The following PLSCR4 variants were observed in gnomAD, a reference collection of about 807,000 sequenced individuals.
The protein encoded by PLSCR4 is phospholipid scramblase 4, also known as Ca(2+)-dependent phospholipid scramblase 4.
In PLSCR4, 25 loss-of-function variants were observed where a neutral mutation model predicts 36.3. The ratio of observed to expected loss-of-function variants is 0.69; its 90% CI spans 0.50 to 0.96. The LOEUF (loss-of-function observed/expected upper bound fraction) is 0.96, where lower values mean the gene tolerates loss of function less well. Ranked by LOEUF, PLSCR4 falls within the 40% of genes least tolerant of loss-of-function variation. The probability of loss-of-function intolerance (pLI) is 0.00; values close to 1 mark genes in which losing one functional copy is unlikely to be tolerated. For synonymous variants in PLSCR4, 122 were observed against 132.9 expected (o/e 0.92, Z 0.56); for missense variants, 408 against 414.7 (o/e 0.98, Z 0.14).
Position 146,197,506 on chromosome 3 carries a change from T to C in PLSCR4, c.625-713A>G, listed in dbSNP as rs999382380. ...AAAATCAAATCTCAGACATGAAAAT[T>C]ATAACAGAAAACAAAAAAGAGGCAT... On this transcript the variant is annotated intron_variant, in intron 6 of 8. Transcript: ENST00000354952. Among the ~76,000 whole-genome samples the C allele has an allele frequency of 1.1e-4, 17 of 152,266 alleles. No homozygotes were observed. In the South Asian group the frequency reaches 1.5e-3, roughly 13 times the overall value.
At chr3:146,245,741 AT>A (rs1295678352) in intron 1 of PLSCR4, among the ~76,000 whole-genome samples, 1 of 10,428 alleles carries the variant, frequency 9.6e-5, no homozygotes, top group African/African-American at 1.4e-4. Context: ...ATTTTCTACA[AT>A]AAATGTATAA....
chr3:146,194,358 C>A lies in PLSCR4; in HGVS notation c.*53G>T, dbSNP rs1349537486. On this transcript the variant is annotated 3_prime_UTR_variant, in exon 9 of 9. Coordinates refer to ENST00000354952, the MANE Select transcript of PLSCR4 (RefSeq NM_020353.3). ...ACTGAGTGCTGACTGTAAGCCCAAT[C>A]CAACTTTTCCATTTTTCAAAATTAA... 8.1e-6 allele frequency: 10 copies of A among 1,230,954 alleles called. No homozygotes were observed. Among genetic ancestry groups the A allele is most frequent in the Non-Finnish European group, 1.1e-5 (9 of 832,228 alleles). The allele number at this position is 1,230,954 out of a possible 1,614,324, so 76.3% of individuals were successfully genotyped here.
intron 1 of PLSCR4, among the ~76,000 whole-genome samples, chr3:146,224,888 T>G (rs372310423): frequency 1.9e-5 from 2 of 105,720 alleles, no homozygotes; most frequent in African/African-American, 5.3e-5. Flanking sequence ...GTTCTCCACG[T>G]CCCCATCAGA....
Position 146,205,085 on chromosome 3 carries a change from T to C in PLSCR4, c.354+1441A>G, listed in dbSNP as rs2034250507. 2.0e-5 allele frequency among the ~76,000 whole-genome samples: 3 copies of C among 152,004 alleles called. 1 individual carries two copies. The South Asian group carries it at 6.2e-4, about 31-fold the overall frequency. ...GAATTGAAAAGAGAAATGACAGAACTCGAGGAAATACTTGGCTGTTGACCT... is the reference window on the plus strand; with the variant it reads ...GAATTGAAAAGAGAAATGACAGAACCCGAGGAAATACTTGGCTGTTGACCT... On this transcript the variant is annotated intron_variant, in intron 4 of 8. Transcript: ENST00000354952.
At chr3:146,229,150 G>C (rs1268486766) in intron 1 of PLSCR4, among the ~76,000 whole-genome samples, 1 of 152,172 alleles carries the variant, frequency 6.6e-6, no homozygotes, top group South Asian at 2.1e-4. Context: ...TTCCGGGAAA[G>C]CAATTTCTAA....
At position 146,220,580 on chromosome 3, in the gene PLSCR4, T is replaced by C. The variant is rs550231943; in HGVS notation, c.118+235A>G. On this transcript the variant is annotated intron_variant, in intron 3 of 8. Coordinates refer to ENST00000354952, the MANE Select transcript of PLSCR4 (RefSeq NM_020353.3). ...ACAACACTCTCTTCATATCTCCATA[T>C]AGAATGGAGAGAATGTCATCAATAT... Among the ~76,000 whole-genome samples the C allele has an allele frequency of 6.5e-4, 99 of 152,308 alleles. 1 individual carries two copies. The highest frequency in any genetic ancestry group is 2.3e-3 in the African/African-American group (95 of 41,568).
At chr3:146,236,573 G>A (rs2035928450) in intron 1 of PLSCR4, among the ~76,000 whole-genome samples, 1 of 152,130 alleles carries the variant, frequency 6.6e-6, no homozygotes, top group Non-Finnish European at 1.5e-5. Flanking sequence ...TATGAGATTT[G>A]ATGGTTTCAT....
Position 146,237,382 on chromosome 3 carries a change from T to C in PLSCR4, c.-22+13578A>G, listed in dbSNP as rs994678399. Among the ~76,000 whole-genome samples the C allele has an allele frequency of 5.3e-5, 8 of 152,094 alleles. 1 individual carries two copies. The highest frequency in any genetic ancestry group is 1.9e-4 in the African/African-American group (8 of 41,442). ...ACACATACATTATGAACCAATTAGA[T>C]CTATAATTATCTATGTAACACTGTA... On this transcript the variant is annotated intron_variant, in intron 1 of 8. Transcript: ENST00000354952.
chr3:146,236,176 A>C (rs1037668354), intron 1 of PLSCR4, among the ~76,000 whole-genome samples: 5 of 152,182 alleles, frequency 3.3e-5, no homozygotes, highest in Admixed American at 2.0e-4. Context: ...CTACTAGCCA[A>C]GACAATGGGA....
chr3:146,197,669 G>A (rs527685134), intron 6 of PLSCR4, among the ~76,000 whole-genome samples: 1 of 152,064 alleles, frequency 6.6e-6, no homozygotes, highest in African/African-American at 2.4e-5. Context: ...GAATAATTAA[G>A]ATCTTCCTGT....
chr3:146,235,295 CT>C (rs1293036450), intron 1 of PLSCR4, among the ~76,000 whole-genome samples: 1 of 152,064 alleles, frequency 6.6e-6, no homozygotes, highest in Non-Finnish European at 1.5e-5. Flanking sequence ...TAGTGCTGTT[CT>C]TGTGATGAGT....
chr3:146,202,297 G>C (rs958691817), intron 4 of PLSCR4, among the ~76,000 whole-genome samples: 1 of 151,978 alleles, frequency 6.6e-6, no homozygotes, highest in Non-Finnish European at 1.5e-5. Context: ...TACAAGTTTG[G>C]TTCCAGACCA....
rs867309990 is a variant in PLSCR4 at position 146,225,910 on chromosome 3, C to T, written c.-21-3818G>A. ...GTGGGCTGAAGGGCTCCTCAAATGC[C>T]GCCGAAGTGGGAGCCCAGGCAGAGG... On this transcript the variant is annotated intron_variant, in intron 1 of 8. Coordinates refer to ENST00000354952, the MANE Select transcript of PLSCR4 (RefSeq NM_020353.3). Among the ~76,000 whole-genome samples the T allele has an allele frequency of 6.0e-4, 91 of 152,248 alleles. No homozygotes were observed. The Middle Eastern group carries it at 0.01, about 17-fold the overall frequency.
rs1240609374 is a variant in PLSCR4, at chr3:146,194,063, G to A, written c.*348C>T. ...AGGTTATTTTATGCCAACAAAGTCT[G>A]CTCTAAAAAGCCTTATTGTTTCACT... On this transcript the variant is annotated 3_prime_UTR_variant, in exon 9 of 9. Transcript: ENST00000354952. The A allele has an allele frequency of 1.6e-5, 3 of 183,880 alleles. No homozygotes were observed. Among genetic ancestry groups the A allele is most frequent in the Non-Finnish European group, 3.3e-5 (3 of 89,582 alleles). The allele number at this position is 183,880 out of a possible 1,614,324, so 11.4% of individuals were successfully genotyped here.
chr3:146,228,141 T>G (rs987862748), intron 1 of PLSCR4, among the ~76,000 whole-genome samples: 4 of 152,190 alleles, frequency 2.6e-5, no homozygotes, highest in Admixed American at 6.5e-5. Flanking sequence ...ATAGAAATAC[T>G]GTGAAGACTA....
chr3:146,210,244 T>C (rs2034548185), intron 3 of PLSCR4, among the ~76,000 whole-genome samples: 1 of 152,132 alleles, frequency 6.6e-6, no homozygotes, highest in Non-Finnish European at 1.5e-5. Context: ...TTTGAATCCA[T>C]GGATGAAGAA....
chr3:146,249,494 A>G (rs985082974), intron 1 of PLSCR4, among the ~76,000 whole-genome samples: 2 of 152,058 alleles, frequency 1.3e-5, no homozygotes, highest in African/African-American at 4.8e-5. Context: ...TTTCATTTAC[A>G]CATCTGGTAG....
Position 146,196,423 on chromosome 3 carries a change from C to G in PLSCR4, c.786+209G>C. The G allele has an allele frequency of 5.6e-6, 3 of 533,854 alleles. No homozygotes were observed. In the South Asian group the frequency reaches 8.2e-5, roughly 15 times the overall value. 33.1% of individuals were successfully genotyped at this position (533,854 alleles called of 1,614,324 possible). A position where few individuals can be genotyped will look rare whatever the true frequency, so the allele number is the denominator to read the frequency against. On this transcript the variant is annotated intron_variant, in intron 7 of 8. Transcript: ENST00000354952. ...GATTTCTTTTTATTTTTATCAAGTA[C>G]TGAAGTCATAAAAAAAGCTTTCATT...
Position 146,206,757 on chromosome 3 carries a change from G to T in PLSCR4, c.123C>A (p.Pro41=). 5 of 1,575,742 alleles carry T rather than the reference G, an allele frequency of 3.2e-6. No individual in the cohort carries two copies. Among genetic ancestry groups the T allele is most frequent in the Non-Finnish European group, 4.3e-6 (5 of 1,157,678 alleles). The change falls in exon 4 of 9, where the codon CCC becomes CCA. Residue 41 remains proline, a synonymous_variant. Coordinates refer to ENST00000354952, the MANE Select transcript of PLSCR4 (RefSeq NM_020353.3). ...PEYNSHFLPG[P]PGTAVPPPTG... is the part of the protein sequence containing the mutation. ...TAGGTGGAGGGACAGCTGTTCCAGGGGGTCCTGTGTTCAAAAGAAATCAAA... is the reference window on the plus strand; with the variant it reads ...TAGGTGGAGGGACAGCTGTTCCAGGTGGTCCTGTGTTCAAAAGAAATCAAA...
Sources: gnomAD v4.1 joint callset for allele counts (sites outside exome capture counted in the v4.1 genomes callset) on GRCh38, gnomAD v4.1.1 for gene constraint, MANE v1.5 for transcripts, NCBI Gene and HGNC (gene_info 2026-07-23, HGNC 2026-07-21) for gene names.